SUMF1: variants seen among roughly 807,000 people sequenced by gnomAD.
SUMF1 encodes formylglycine-generating enzyme.
Under a neutral mutation model 47.6 loss-of-function variants are expected in SUMF1, and 48 were observed. The observed-to-expected ratio is 1.01, with a 90% CI of 0.80 to 1.28. SUMF1 has a LOEUF of 1.28. SUMF1 is among the 50% of genes most tolerant of loss of function. The pLI is 0.00. For synonymous variants in SUMF1, 230 were observed against 192.1 expected, an observed-to-expected ratio of 1.20 and a Z score of -1.63; for missense variants, 571 against 485.4, an observed-to-expected ratio of 1.18 and a Z score of -1.66.
chr3:4,126,660 G>A (rs1217303698), intron 8 of SUMF1, among the ~76,000 whole-genome samples: 1 of 152,144 alleles, frequency 6.6e-6, no homozygotes, highest in South Asian at 2.1e-4. Flanking sequence ...TTTTCAGGAA[G>A]AACTAAAACT....
Position 4,152,084 on chromosome 3 carries a change from A to T in SUMF1, c.1015-83339T>A, listed in dbSNP as rs959349859. 5.9e-5 allele frequency among the ~76,000 whole-genome samples: 9 copies of T among 151,576 alleles called. 1 individual carries two copies. Among genetic ancestry groups the T allele is most frequent in the African/African-American group, 2.2e-4 (9 of 40,860 alleles). Reference sequence around the variant, plus strand: ...TAACCAATATTCCCGAGACCAGACTATGGGCCATAAAGGTTAATAAAGATT... The same window carrying T: ...TAACCAATATTCCCGAGACCAGACTTTGGGCCATAAAGGTTAATAAAGATT... On this transcript the variant is annotated intron_variant and NMD_transcript_variant, in intron 8 of 12. Coordinates refer to the SUMF1 transcript ENST00000448413.
chr3:4,280,044 C>G (rs1327469567), intron 8 of SUMF1, among the ~76,000 whole-genome samples: 18 of 152,084 alleles, frequency 1.2e-4, no homozygotes, highest in Admixed American at 1.2e-3. Flanking sequence ...AAGAAGACAA[C>G]AATTCCAGTT....
At chr3:4,452,755 G>A in intron 2 of SUMF1, 121 bp downstream of exon 2, 1 of 1,183,728 alleles carries the variant, frequency 8.4e-7, no homozygotes, top group Non-Finnish European at 1.2e-6. Flanking sequence ...ACAATAAAAT[G>A]CTTCACACAG....
At chr3:4,275,515 C>T (rs1267213983) in intron 8 of SUMF1, among the ~76,000 whole-genome samples, 1 of 152,146 alleles carries the variant, frequency 6.6e-6, no homozygotes, top group Admixed American at 6.5e-5. Context: ...CCACCTCCAT[C>T]CCAGCAGACC....
In SUMF1 at chr3:4,393,359, G is replaced by T. The variant is rs548175230; in HGVS notation, c.955-16970C>A. 2.6e-5 allele frequency among the ~76,000 whole-genome samples: 4 copies of T among 152,104 alleles called. No individual in the cohort carries two copies. In the East Asian group the frequency reaches 7.7e-4, roughly 29 times the overall value. ...TTTTTATTTTAGTTTTAGAGACAGG[G>T]TCTCCCTGTGTCACCCAGGCCACAA... On this transcript the variant is annotated intron_variant, in intron 7 of 8. Coordinates refer to ENST00000272902, the MANE Select transcript of SUMF1 (RefSeq NM_182760.4).
At chr3:4,392,761 G>A (rs552590946) in intron 7 of SUMF1, among the ~76,000 whole-genome samples, 1 of 151,260 alleles carries the variant, frequency 6.6e-6, no homozygotes, top group Admixed American at 6.6e-5. Flanking sequence ...GTTTTGTTTT[G>A]GTAACTTACC....
chr3:4,076,033 G>A (rs984879727), intron 8 of SUMF1, among the ~76,000 whole-genome samples: 1 of 152,032 alleles, frequency 6.6e-6, no homozygotes, highest in Non-Finnish European at 1.5e-5. Context: ...ACATTGCCAA[G>A]ACAATCCTAA....
intron 3 of SUMF1, among the ~76,000 whole-genome samples, chr3:4,438,991 T>C (rs192571018): frequency 8.7e-4 from 132 of 152,266 alleles, no homozygotes; most frequent in African/African-American, 3.0e-3. Flanking sequence ...CAGGACCAAA[T>C]GATAGCAAAA....
chr3:4,456,819 TGTGTATATATAC>T (rs2079640961), intron 1 of SUMF1, among the ~76,000 whole-genome samples: 1 of 149,800 alleles, frequency 6.7e-6, no homozygotes, highest in Non-Finnish European at 1.5e-5. Flanking sequence ...TATACGTGTG[TGTGTATATATAC>T]GTGTATATAT....
At chr3:4,072,698 A>C (rs925812216) in intron 8 of SUMF1, among the ~76,000 whole-genome samples, 1 of 152,176 alleles carries the variant, frequency 6.6e-6, no homozygotes, top group South Asian at 2.1e-4. Context: ...CAGAAACTTC[A>C]ATAGCTGATT....
chr3:4,186,379 G>A (rs1695201653), intron 8 of SUMF1, among the ~76,000 whole-genome samples: 1 of 152,124 alleles, frequency 6.6e-6, no homozygotes, highest in South Asian at 2.1e-4. Context: ...AGCTGCATTG[G>A]AAGATAATTA....
intron 8 of SUMF1, among the ~76,000 whole-genome samples, chr3:4,248,848 G>A (rs905163207): frequency 6.6e-6 from 1 of 152,214 alleles, no homozygotes; most frequent in African/African-American, 2.4e-5. Context: ...ATGTGGTATG[G>A]AGGAAAACCG....
In SUMF1 at chr3:4,252,965, G is replaced by A. The variant is rs1163375621; in HGVS notation, c.1014+123365C>T. Among the ~76,000 whole-genome samples the A allele has an allele frequency of 2.0e-5, 3 of 152,098 alleles. No individual in the cohort carries two copies. In the East Asian group the frequency reaches 5.8e-4, roughly 29 times the overall value. On this transcript the variant is annotated intron_variant and NMD_transcript_variant, in intron 8 of 12. Transcript: ENST00000448413. ...TCATTACTCTCATCAAACCAGCATTGGAACATTTGACTTAGATCATCTAGC... is the reference window on the plus strand; with the variant it reads ...TCATTACTCTCATCAAACCAGCATTAGAACATTTGACTTAGATCATCTAGC...
At chr3:4,241,204 A>G (rs1268192508) in intron 8 of SUMF1, among the ~76,000 whole-genome samples, 1 of 152,166 alleles carries the variant, frequency 6.6e-6, no homozygotes, top group East Asian at 1.9e-4. Flanking sequence ...GTAATAGAAC[A>G]TTTCCACAGA....
At chr3:4,417,034 G>T in intron 6 of SUMF1, 94 bp downstream of exon 6, 1 of 1,119,912 alleles carries the variant, frequency 8.9e-7, no homozygotes, top group Non-Finnish European at 1.4e-6. Flanking sequence ...AACACCGTGT[G>T]AGTCACAAAG....
chr3:4,103,296 G>A (rs965073423), intron 8 of SUMF1, among the ~76,000 whole-genome samples: 8 of 151,878 alleles, frequency 5.3e-5, no homozygotes, highest in African/African-American at 1.9e-4. Context: ...TGACCTAGTT[G>A]GGTAGATAGA....
intron 8 of SUMF1, among the ~76,000 whole-genome samples, chr3:4,126,887 C>T (rs923395834): frequency 6.6e-6 from 1 of 152,144 alleles, no homozygotes; most frequent in Admixed American, 6.5e-5. Flanking sequence ...TGTACTCAAA[C>T]TTAAATCTCT....
chr3:4,335,514 G>C (rs1343092579), intron 8 of SUMF1, among the ~76,000 whole-genome samples: 2 of 152,200 alleles, frequency 1.3e-5, no homozygotes, highest in East Asian at 3.8e-4. Flanking sequence ...CTTGCTGAAA[G>C]TAAACTAAAC....
chr3:4,436,262 A>G (rs954059103), intron 3 of SUMF1, among the ~76,000 whole-genome samples: 7 of 152,326 alleles, frequency 4.6e-5, no homozygotes, highest in South Asian at 2.1e-4. Flanking sequence ...TAGAGTCTAT[A>G]TGGTTATAGG....
Sources: allele counts gnomAD v4.1 joint callset (sites outside exome capture counted in the v4.1 genomes callset), GRCh38; gene constraint gnomAD v4.1.1; transcripts MANE v1.5; gene names NCBI Gene and HGNC (gene_info 2026-07-23, HGNC 2026-07-21).